Variants in HELZ observed in about 807,000 individuals in gnomAD.
The protein encoded by HELZ is helicase with zinc finger.
Under a neutral mutation model 218.2 loss-of-function variants are expected in HELZ, and 23 were observed. The ratio of observed to expected loss-of-function variants is 0.11; its 90% CI spans 0.08 to 0.15. The LOEUF (loss-of-function observed/expected upper bound fraction) is 0.15. Among genes scored for constraint, HELZ ranks in the 10% least tolerant of loss-of-function variants. The pLI, the probability that HELZ is intolerant of heterozygous loss-of-function variation, is 1.00. For missense variants in HELZ, 1,813 were observed against 2,353.7 expected, an observed-to-expected ratio of 0.77 and a Z score of 4.75; for synonymous variants, 814 against 829.4, an observed-to-expected ratio of 0.98 and a Z score of 0.32.
chr17:67,217,146 C>T (rs536370719), intron 4 of HELZ, among the ~76,000 whole-genome samples: 2 of 152,226 alleles, frequency 1.3e-5, no homozygotes, highest in South Asian at 2.1e-4. Context: ...AAACTCAGTA[C>T]GTCCAAAACT....
chr17:67,196,658 G>A (rs1392676047), intron 7 of HELZ, among the ~76,000 whole-genome samples: 1 of 148,816 alleles, frequency 6.7e-6, no homozygotes, highest in African/African-American at 2.5e-5. Context: ...ACATGGGTAG[G>A]TGGTTGGGTG....
chr17:67,208,441 T>G (rs919474285), intron 5 of HELZ, among the ~76,000 whole-genome samples: 9 of 152,176 alleles, frequency 5.9e-5, no homozygotes, highest in African/African-American at 2.2e-4. Flanking sequence ...CAGAGTTATG[T>G]AAGACGTAAT....
chr17:67,199,305 T>C (rs907775920), intron 7 of HELZ, among the ~76,000 whole-genome samples: 1 of 149,608 alleles, frequency 6.7e-6, no homozygotes, highest in Admixed American at 6.8e-5. Flanking sequence ...TTCCGCCTCC[T>C]GGGTTCAAGC....
At chr17:67,244,686 C>T (rs930727470) in intron 1 of HELZ, 26 of 983,132 alleles carry the variant, frequency 2.6e-5, no homozygotes, top group Non-Finnish European at 3.0e-5. Context: ...GCTCCAGCCC[C>T]CACCCCACCC....
chr17:67,167,253 T>C (rs551649140), intron 14 of HELZ, among the ~76,000 whole-genome samples: 1 of 152,330 alleles, frequency 6.6e-6, no homozygotes, highest in East Asian at 1.9e-4. Context: ...CAACCTTGTA[T>C]AACACTGGAA....
intron 21 of HELZ, among the ~76,000 whole-genome samples, chr17:67,142,745 A>G (rs1428115440): frequency 7.4e-5 from 2 of 26,918 alleles, no homozygotes; most frequent in Non-Finnish European, 1.1e-4. Flanking sequence ...AAAGAGGGAT[A>G]TTTATTTATT....
At chr17:67,118,910 A>G (rs146738340) in intron 27 of HELZ, among the ~76,000 whole-genome samples, 17 of 152,206 alleles carry the variant, frequency 1.1e-4, no homozygotes, top group African/African-American at 4.1e-4. Flanking sequence ...ACTCAACATC[A>G]CTCATTATTA....
At chr17:67,176,936 C>T (rs893477194) in intron 13 of HELZ, among the ~76,000 whole-genome samples, 1 of 151,746 alleles carries the variant, frequency 6.6e-6, no homozygotes, top group Non-Finnish European at 1.5e-5. Flanking sequence ...CTTTGAAAGC[C>T]TTCGCAAGGT....
chr17:67,090,197 G>C (rs2036537624), intron 31 of HELZ, among the ~76,000 whole-genome samples: 1 of 152,094 alleles, frequency 6.6e-6, no homozygotes, highest in Non-Finnish European at 1.5e-5. Flanking sequence ...TAGATTGTTA[G>C]AATGGTGTAT....
intron 17 of HELZ, among the ~76,000 whole-genome samples, chr17:67,158,178 C>T (rs1598340667): frequency 6.6e-6 from 1 of 152,200 alleles, no homozygotes; most frequent in Non-Finnish European, 1.5e-5. Context: ...ACTATTTTCA[C>T]ACTATAGCAC....
chr17:67,101,718 C>G (rs532327734), intron 31 of HELZ, among the ~76,000 whole-genome samples: 2 of 152,202 alleles, frequency 1.3e-5, no homozygotes, highest in South Asian at 2.1e-4. Flanking sequence ...TTGCACTACC[C>G]CCACCCCTCG....
chr17:67,155,303 G>A (rs1158332069), intron 17 of HELZ, among the ~76,000 whole-genome samples: 1 of 152,102 alleles, frequency 6.6e-6, no homozygotes, highest in Non-Finnish European at 1.5e-5. Context: ...GAAAGGAGGA[G>A]CAAGTGAAAT....
chr17:67,173,067 T>C lies in HELZ; in HGVS notation c.1431-5271A>G, dbSNP rs200785016. ...GTGTCTTGCAACAAAATTCTTGAGG[T>C]AGAGGCACCAGAAGTGCTAAGAAAT... On this transcript the variant is annotated intron_variant, in intron 13 of 32. Transcript: ENST00000358691. 2.3e-4 allele frequency: 229 copies of C among 978,534 alleles called. No homozygotes were observed. In the African/African-American group the frequency reaches 3.9e-3, roughly 17 times the overall value. The allele number at this position is 978,534 out of a possible 1,614,324, so 60.6% of individuals were successfully genotyped here. A position where few individuals can be genotyped will look rare whatever the true frequency, so the allele number is the denominator to read the frequency against.
chr17:67,137,468 A>G (rs1473817313), intron 22 of HELZ, among the ~76,000 whole-genome samples: 1 of 152,206 alleles, frequency 6.6e-6, no homozygotes, highest in African/African-American at 2.4e-5. Context: ...ATTAGGCTTC[A>G]ATTAGAGTTC....
intron 24 of HELZ, among the ~76,000 whole-genome samples, chr17:67,124,456 T>A (rs1005436772): frequency 2.6e-5 from 4 of 152,030 alleles, no homozygotes; most frequent in Admixed American, 2.6e-4. Flanking sequence ...AGAATGCAAA[T>A]ATGGCTTAGG....
chr17:67,143,237 T>C (rs921691998), intron 21 of HELZ, among the ~76,000 whole-genome samples: 1 of 152,158 alleles, frequency 6.6e-6, no homozygotes, highest in Non-Finnish European at 1.5e-5. Flanking sequence ...TGTACAACTC[T>C]GTCTACCTCT....
chr17:67,109,311 A>T lies in HELZ; in HGVS notation c.4294T>A (p.Phe1432Ile). Residue 1432 changes from phenylalanine to isoleucine, a missense_variant, in exon 29 of 33, where the codon TTT becomes ATT. Phe to Ile is a conservative substitution (Grantham distance 21). Transcript: ENST00000358691. ...AYQAGPNNAFFNSAVAHRPQS... is the reference protein window; with the variant it reads ...AYQAGPNNAFINSAVAHRPQS... ...GGCCGATGAGCAACTGCACTATTAAAAAAAGCATTGTTGGGTCCCGCCTGA... is the reference window on the plus strand; with the variant it reads ...GGCCGATGAGCAACTGCACTATTAATAAAAGCATTGTTGGGTCCCGCCTGA... 1.9e-6 allele frequency: 3 copies of T among 1,614,146 alleles called. No homozygotes were observed. Among genetic ancestry groups the T allele is most frequent in the Non-Finnish European group, 2.5e-6 (3 of 1,180,042 alleles).
At chr17:67,223,965 G>A (rs2040821740) in intron 3 of HELZ, among the ~76,000 whole-genome samples, 1 of 152,186 alleles carries the variant, frequency 6.6e-6, no homozygotes, top group Non-Finnish European at 1.5e-5. Flanking sequence ...ATGAACGTTA[G>A]TTGTTCTGCC....
At chr17:67,113,190 C>T (rs753147506) in intron 28 of HELZ, among the ~76,000 whole-genome samples, 6 of 152,080 alleles carry the variant, frequency 3.9e-5, no homozygotes, top group Non-Finnish European at 7.4e-5. Context: ...CAGGGAAGAA[C>T]GAACAGCTGG....
Sources: gnomAD v4.1 joint callset for allele counts (sites outside exome capture counted in the v4.1 genomes callset) on GRCh38, gnomAD v4.1.1 for gene constraint, MANE v1.5 for transcripts, NCBI Gene and HGNC (gene_info 2026-07-23, HGNC 2026-07-21) for gene names.